Variants in HYDIN observed in about 807,000 individuals in gnomAD.
The protein encoded by HYDIN is HYDIN axonemal central pair apparatus protein.
A neutral mutation model predicts 403.9 loss-of-function variants in HYDIN; 132 were observed. The observed-to-expected ratio is 0.33, with a 90% CI of 0.28 to 0.38. The LOEUF is 0.38. Among genes scored for constraint, HYDIN ranks in the 10% least tolerant of loss-of-function variants. HYDIN has a pLI of 1.00. For missense variants in HYDIN, 2,827 were observed against 5,009.5 expected (o/e 0.56, Z 13.15); for synonymous variants, 1,202 against 1,891.7 (o/e 0.64, Z 9.46).
At chr16:71,191,685 C>T (rs1335618533) in intron 1 of HYDIN, among the ~76,000 whole-genome samples, 1 of 152,096 alleles carries the variant, frequency 6.6e-6, no homozygotes, top group Non-Finnish European at 1.5e-5. Context: ...AGCTCTCTTC[C>T]CGGCAGCTAT....
intron 75 of HYDIN, among the ~76,000 whole-genome samples, chr16:70,843,162 A>C (rs918393040): frequency 6.9e-6 from 1 of 144,260 alleles, no homozygotes; most frequent in Non-Finnish European, 1.5e-5. Flanking sequence ...ATCTAGCATT[A>C]GGTATATCTC....
chr16:70,858,910 T>C (rs1597142322), intron 71 of HYDIN, among the ~76,000 whole-genome samples: 1 of 148,884 alleles, frequency 6.7e-6, no homozygotes, highest in East Asian at 2.0e-4. Flanking sequence ...CAAAACCAGG[T>C]GGAGAGTCTA....
chr16:71,209,648 G>A (rs1212182511), intron 1 of HYDIN, among the ~76,000 whole-genome samples: 7 of 152,182 alleles, frequency 4.6e-5, no homozygotes, highest in Non-Finnish European at 1.0e-4. Flanking sequence ...CACGGTCTCT[G>A]CCCCAAAGCT....
chr16:71,128,040 C>T (rs2144507920), intron 9 of HYDIN, among the ~76,000 whole-genome samples: 1 of 151,322 alleles, frequency 6.6e-6, no homozygotes, highest in South Asian at 2.1e-4. Context: ...CTCATAGAGC[C>T]TTGGGTGAAC....
chr16:70,934,030 G>A (rs977049578), intron 45 of HYDIN, among the ~76,000 whole-genome samples: 3 of 152,166 alleles, frequency 2.0e-5, no homozygotes, highest in African/African-American at 7.2e-5. Context: ...GGGAGAAGGA[G>A]GAAAGCCAGA....
rs578231783 is a variant in HYDIN, at chr16:70,883,982, C to T, written c.9917G>A (p.Arg3306Gln). The T allele has an allele frequency of 2.8e-5, 46 of 1,614,126 alleles. No individual in the cohort carries two copies. The highest frequency in any genetic ancestry group is 7.7e-5 in the South Asian group (7 of 91,086). ...GCCGGCAGGGTGGACTGCAGGGTCTCGGCCGGAGATATCGATGGCTATAAA... is the reference window on the plus strand; with the variant it reads ...GCCGGCAGGGTGGACTGCAGGGTCTTGGCCGGAGATATCGATGGCTATAAA... ...EEFIAIDISG[R>Q]DPAVHPAGIL... Residue 3306 changes from arginine to glutamine, a missense_variant, in exon 59 of 86, where the codon CGA (arginine) becomes CAA (glutamine). Arg to Gln is a conservative substitution (Grantham distance 43). Transcript: ENST00000393567.
chr16:70,820,474 G>A (rs867726767), intron 83 of HYDIN, among the ~76,000 whole-genome samples: 51 of 150,340 alleles, frequency 3.4e-4, no homozygotes, highest in Middle Eastern at 6.8e-3. Context: ...CCACCGTGCC[G>A]GGCCTAAAGT....
chr16:70,914,486 G>C (rs992504051), intron 47 of HYDIN, among the ~76,000 whole-genome samples: 30 of 146,792 alleles, frequency 2.0e-4, no homozygotes, highest in Non-Finnish European at 1.2e-4. Flanking sequence ...CTATCTTGTA[G>C]GGTTTCTGCT....
chr16:71,216,628 C>T (rs1297905562), intron 1 of HYDIN, among the ~76,000 whole-genome samples: 3 of 152,254 alleles, frequency 2.0e-5, no homozygotes, highest in African/African-American at 4.8e-5. Context: ...CATACATTTA[C>T]GTGTATGTTC....
intron 5 of HYDIN, among the ~76,000 whole-genome samples, chr16:71,170,291 T>C (rs975751072): frequency 6.6e-6 from 1 of 152,240 alleles, no homozygotes; most frequent in Non-Finnish European, 1.5e-5. Context: ...AAATAAATTA[T>C]GGAATTAGAA....
At chr16:71,040,156 G>A (rs1459270830) in intron 18 of HYDIN, among the ~76,000 whole-genome samples, 1 of 152,118 alleles carries the variant, frequency 6.6e-6, no homozygotes, top group East Asian at 1.9e-4. Context: ...CCCAGTAAGT[G>A]GAGTTTGATC....
chr16:70,923,083 C>T (rs1363104352), intron 45 of HYDIN, among the ~76,000 whole-genome samples: 7 of 151,272 alleles, frequency 4.6e-5, no homozygotes, highest in Non-Finnish European at 3.0e-5. Context: ...TATAACTTTT[C>T]ATAAATTGCA....
intron 36 of HYDIN, among the ~76,000 whole-genome samples, chr16:70,965,192 T>C (rs3852793): frequency 0.46 from 69,524 of 151,982 alleles, 17,640 homozygotes; most frequent in African/African-American, 0.66. Flanking sequence ...TTTTCCTTTC[T>C]TCCCCATGAC....
At chr16:71,068,266 C>T (rs2082341040) in intron 14 of HYDIN, among the ~76,000 whole-genome samples, 1 of 147,092 alleles carries the variant, frequency 6.8e-6, no homozygotes, top group African/African-American at 2.6e-5. Flanking sequence ...TAAGGCTTTT[C>T]TATCTATAAA....
chr16:71,163,209 G>A (rs1176304226), intron 5 of HYDIN, among the ~76,000 whole-genome samples: 4 of 142,984 alleles, frequency 2.8e-5, no homozygotes, highest in South Asian at 2.3e-4. Flanking sequence ...TACAAGCTCC[G>A]CCTCCCGGGT....
At position 70,889,580 on chromosome 16, in the gene HYDIN, C is replaced by T; in HGVS notation, c.9774+7G>A. 1 of 537,236 alleles carries T rather than the reference C, an allele frequency of 1.9e-6. No homozygotes were observed. Among genetic ancestry groups the T allele is most frequent in the Non-Finnish European group, 3.2e-6 (1 of 316,612 alleles). 33.3% of individuals were successfully genotyped at this position (537,236 alleles called of 1,614,324 possible). On this transcript the variant is annotated splice_region_variant and intron_variant, in intron 58 of 85. Transcript: ENST00000393567. ...GTATCTGTAAGAACAGGGAAAAGGA[C>T]ACGCACCTGGCCTGTGGTGGTTACT...
intron 10 of HYDIN, among the ~76,000 whole-genome samples, chr16:71,111,650 G>A (rs912272370): frequency 1.3e-5 from 2 of 152,026 alleles, no homozygotes; most frequent in African/African-American, 4.8e-5. Context: ...CCACAGGTCT[G>A]CTGGTGGCTG....
intron 75 of HYDIN, among the ~76,000 whole-genome samples, chr16:70,849,409 C>T (rs2038458997): frequency 6.6e-6 from 1 of 152,026 alleles, no homozygotes; most frequent in Admixed American, 6.6e-5. Flanking sequence ...CTGACATCAC[C>T]ATTCTTTTTT....
chr16:71,028,478 C>A (rs867818199), intron 19 of HYDIN, among the ~76,000 whole-genome samples: 19 of 151,792 alleles, frequency 1.3e-4, no homozygotes, highest in African/African-American at 4.4e-4. Context: ...TTACTAAGAA[C>A]GTTCCGACTG....
Sources: gnomAD v4.1 joint callset for allele counts (sites outside exome capture counted in the v4.1 genomes callset) on GRCh38, gnomAD v4.1.1 for gene constraint, MANE v1.5 for transcripts, NCBI Gene and HGNC (gene_info 2026-07-23, HGNC 2026-07-21) for gene names.